Variants in SYCP2L observed in about 807,000 individuals in gnomAD.
SYCP2L encodes synaptonemal complex protein 2-like.
In SYCP2L, 98 loss-of-function variants were observed where a neutral mutation model predicts 125.8. That is an observed-to-expected ratio of 0.78 (90% confidence interval 0.66 to 0.92). SYCP2L has a LOEUF of 0.92. SYCP2L is among the 40% of genes least tolerant of loss of function. The probability of loss-of-function intolerance (pLI) is 0.00; values close to 1 mark genes in which losing one functional copy is unlikely to be tolerated. For missense variants in SYCP2L, 842 were observed against 936.4 expected, an observed-to-expected ratio of 0.90 and a Z score of 1.32; for synonymous variants, 317 against 325.4, an observed-to-expected ratio of 0.97 and a Z score of 0.28.
At chr6:10,967,278 A>G (rs1016986899) in intron 29 of SYCP2L, among the ~76,000 whole-genome samples, 1 of 152,162 alleles carries the variant, frequency 6.6e-6, no homozygotes. Context: ...GAAAAAGGGA[A>G]AAAAAGAAAG....
chr6:10,966,129 A>G (rs1424158181), intron 29 of SYCP2L, among the ~76,000 whole-genome samples: 1 of 150,388 alleles, frequency 6.6e-6, no homozygotes, highest in Non-Finnish European at 1.5e-5. Flanking sequence ...AATAATAATA[A>G]CAACAACAAT....
In SYCP2L at chr6:10,902,720, C is replaced by T. The variant is rs1334476469; in HGVS notation, c.510C>T (p.Phe170=). 2 of 1,614,006 alleles carry T rather than the reference C, an allele frequency of 1.2e-6. No individual in the cohort carries two copies. Among genetic ancestry groups the T allele is most frequent in the African/African-American group, 2.7e-5 (2 of 74,926 alleles). Residue 170 remains phenylalanine, a synonymous_variant, in exon 7 of 30, where the codon TTC becomes TTT. Transcript: ENST00000283141. ...ATTCCTTCCTACTTAGCTTAGGATTCCTGGTGACAGAAAAGACTGTAAATC... is the reference window on the plus strand; with the variant it reads ...ATTCCTTCCTACTTAGCTTAGGATTTCTGGTGACAGAAAAGACTGTAAATC... ...MLDSFLLSLG[F]LVTEKTVNHL...
chr6:10,942,365 T>G, intron 21 of SYCP2L, 94 bp from the exon 22 acceptor site: 1 of 808,820 alleles, frequency 1.2e-6, no homozygotes, highest in Non-Finnish European at 1.9e-6. Context: ...GTTCCTTTTT[T>G]TTGATGATGA....
At chr6:10,907,717 G>A in intron 10 of SYCP2L, 33 bp downstream of exon 10, 2 of 1,605,782 alleles carry the variant, frequency 1.2e-6, no homozygotes, top group Non-Finnish European at 8.5e-7. Context: ...TTTCTTATTA[G>A]CCAATATTTA....
intron 4 of SYCP2L, 45 bp downstream of exon 4, chr6:10,894,249 G>T: frequency 6.3e-7 from 1 of 1,592,862 alleles, no homozygotes; most frequent in South Asian, 1.2e-5. Context: ...GTAACTTAGA[G>T]AACTTAGGTG....
intron 23 of SYCP2L, among the ~76,000 whole-genome samples, chr6:10,947,836 G>T (rs372255463): frequency 1.2e-4 from 19 of 152,128 alleles, no homozygotes; most frequent in African/African-American, 4.3e-4. Context: ...TATAGCAAAT[G>T]CATCTAAAGT....
chr6:10,891,651 GTGTGTGTGTGTGTATGTGTATATGA>G, intron 2 of SYCP2L, 70 bp downstream of exon 2: 1 of 816,250 alleles, frequency 1.2e-6, no homozygotes, highest in Non-Finnish European at 1.9e-6. Context: ...GTGTGTGTGT[GTGTGTGTGTGTGTATGTGTATATGA>G]GTGTATGTAT....
At chr6:10,917,858 A>G (rs1379354359) in intron 14 of SYCP2L, among the ~76,000 whole-genome samples, 3 of 152,180 alleles carry the variant, frequency 2.0e-5, no homozygotes, top group African/African-American at 7.2e-5. Context: ...AAATTCTCTC[A>G]GCATTTATTT....
At chr6:10,943,736 T>C (rs762406200) in intron 23 of SYCP2L, among the ~76,000 whole-genome samples, 15 of 152,200 alleles carry the variant, frequency 9.9e-5, no homozygotes, top group Non-Finnish European at 1.8e-4. Context: ...TTTTATAATT[T>C]TGCTTTCTCC....
chr6:10,921,523 G>A (rs1034780201), intron 14 of SYCP2L, among the ~76,000 whole-genome samples: 3 of 151,880 alleles, frequency 2.0e-5, no homozygotes, highest in South Asian at 2.1e-4. Context: ...CTTTTTCTCC[G>A]CAACCTTGCC....
Position 10,971,077 on chromosome 6 carries a change from A to G in SYCP2L, c.*38-2875A>G, listed in dbSNP as rs115024287. On this transcript the variant is annotated intron_variant, in intron 29 of 29. Coordinates refer to ENST00000283141, the MANE Select transcript of SYCP2L (RefSeq NM_001040274.3). ...AGTAAGAGGTCTAGATTCTAAATGG[A>G]TGTTCTAGAAATGTCAGCTGGGTTT... 5.0e-3 allele frequency among the ~76,000 whole-genome samples: 759 copies of G among 152,262 alleles called. 7 individuals are homozygous for G. Among genetic ancestry groups the G allele is most frequent in the African/African-American group, 0.017 (725 of 41,540 alleles).
chr6:10,963,928 G>T (rs1781634226), intron 29 of SYCP2L, 85 bp downstream of exon 29: 15 of 931,834 alleles, frequency 1.6e-5, no homozygotes, highest in Non-Finnish European at 1.8e-5. Context: ...GTAATGCTTT[G>T]TTCATATGAC....
In SYCP2L at chr6:10,961,508, G is replaced by A. The variant is rs752941125; in HGVS notation, c.2364G>A (p.Trp788Ter). The stretch of plus-strand genomic sequence containing the variant: ...CTTTTGTTCAATCTTAGGAATTCTG[G>A]GGGAAACAGTCTGCTGATCTGCAAT... ...EHLEKEVLEF[W>*]GKQSADLQSF... is the part of the protein sequence containing the mutation. Residue 788 changes from tryptophan to a stop codon, truncating the protein, a stop_gained, in exon 28 of 30, where the codon TGG becomes TGA. Transcript: ENST00000283141. LOFTEE classifies it high-confidence loss of function. The A allele has an allele frequency of 1.2e-6, 2 of 1,614,004 alleles. No individual in the cohort carries two copies. Among genetic ancestry groups the A allele is most frequent in the African/African-American group, 2.7e-5 (2 of 74,920 alleles).
At chr6:10,971,764 ACCT>A (rs1483840322) in intron 29 of SYCP2L, among the ~76,000 whole-genome samples, 1 of 150,538 alleles carries the variant, frequency 6.6e-6, no homozygotes, top group Admixed American at 6.7e-5. Context: ...AGCTCATTGC[ACCT>A]CCTCCTCTGA....
At chr6:10,936,606 ATTAC>A (rs1259541799) in intron 21 of SYCP2L, among the ~76,000 whole-genome samples, 2 of 152,224 alleles carry the variant, frequency 1.3e-5, no homozygotes, top group African/African-American at 4.8e-5. Flanking sequence ...CCTATCAATA[ATTAC>A]TTTAAATGGA....
rs545602950 is a variant in SYCP2L at position 10,910,761 on chromosome 6, C to T, written c.873-63C>T. ...CTAGTTATAAGTGCTTGTTGCGGAA[C>T]GTCTGTAGATGTGTTTAAGATTCAT... On this transcript the variant is annotated intron_variant, in intron 11 of 29. Transcript: ENST00000283141. 3.4e-5 allele frequency: 53 copies of T among 1,548,322 alleles called. No individual in the cohort carries two copies. In the East Asian group the frequency reaches 5.2e-4, roughly 15 times the overall value.
chr6:10,898,774 C>T lies in SYCP2L; in HGVS notation c.442-50C>T, dbSNP rs749633518. ...CTAATACATTCACATTACGGTTTATCATGCTGTTTTAAAATAATATGAGCT... is the reference window on the plus strand; with the variant it reads ...CTAATACATTCACATTACGGTTTATTATGCTGTTTTAAAATAATATGAGCT... On this transcript the variant is annotated intron_variant, in intron 5 of 29. Coordinates refer to ENST00000283141, the MANE Select transcript of SYCP2L (RefSeq NM_001040274.3). 2.5e-5 allele frequency: 29 copies of T among 1,175,494 alleles called. No individual in the cohort carries two copies. In the Admixed American group the frequency reaches 4.6e-4, roughly 19 times the overall value. The allele number at this position is 1,175,494 out of a possible 1,614,324, so 72.8% of individuals were successfully genotyped here.
rs1581810914 is a variant in SYCP2L at position 10,887,052 on chromosome 6, G to T, written c.-75G>T. The T allele has an allele frequency of 1.2e-6, 2 of 1,604,710 alleles. No homozygotes were observed. Among genetic ancestry groups the T allele is most frequent in the Admixed American group, 3.4e-5 (2 of 59,474 alleles). On this transcript the variant is annotated 5_prime_UTR_variant, in exon 1 of 30. Transcript: ENST00000283141. ...CCCCCAGCGGGCGGGGCTCTTGGGC[G>T]GGGAAGCAGGAGAGGGCCGACCGAG...
In SYCP2L at chr6:10,889,646, G is replaced by A. The variant is rs1000559812; in HGVS notation, c.10-1867G>A. On this transcript the variant is annotated intron_variant, in intron 1 of 29. Transcript: ENST00000283141. The stretch of plus-strand genomic sequence containing the variant: ...TTTTTTTTTTTTTTTTTGAGATGGA[G>A]TTTCACTCTTGCTTCCCCAGCTGGA... Among the ~76,000 whole-genome samples the A allele has an allele frequency of 6.8e-5, 8 of 116,882 alleles. No homozygotes were observed. The East Asian group carries it at 1.6e-3, about 24-fold the overall frequency. 76.7% of individuals were successfully genotyped at this position (116,882 alleles called of 152,430 possible).
Sources: allele counts gnomAD v4.1 joint callset (sites outside exome capture counted in the v4.1 genomes callset), GRCh38; gene constraint gnomAD v4.1.1; transcripts MANE v1.5; gene names NCBI Gene and HGNC (gene_info 2026-07-23, HGNC 2026-07-21).